Variants in MAGI1 observed in about 807,000 individuals in gnomAD.
MAGI1 encodes membrane associated guanylate kinase, WW and PDZ domain containing 1, also known as membrane-associated guanylate kinase, WW and PDZ domain-containing protein 1.
MAGI1 carries 58 observed loss-of-function variants against 139.9 expected under a neutral mutation model. The observed-to-expected ratio is 0.41, with a 90% CI of 0.34 to 0.52. MAGI1 has a LOEUF of 0.52. Ranked by LOEUF, MAGI1 falls within the 20% of genes least tolerant of loss-of-function variation. The probability of loss-of-function intolerance (pLI) is 0.12; values close to 1 mark genes in which losing one functional copy is unlikely to be tolerated. For missense variants in MAGI1, 1,874 were observed against 1,901.6 expected (o/e 0.99, Z 0.27); for synonymous variants, 812 against 737.9 (o/e 1.10, Z -1.63).
chr3:65,763,629 T>C (rs893321990), intron 1 of MAGI1, among the ~76,000 whole-genome samples: 4 of 151,692 alleles, frequency 2.6e-5, no homozygotes, highest in Non-Finnish European at 4.4e-5. Flanking sequence ...AGGGCTGGAT[T>C]CCAACCCAGA....
intron 2 of MAGI1, among the ~76,000 whole-genome samples, chr3:65,571,973 T>G (rs2080979590): frequency 6.6e-6 from 1 of 152,034 alleles, no homozygotes; most frequent in Non-Finnish European, 1.5e-5. Context: ...GTTCTACTCT[T>G]TGGGTGGAGA....
intron 12 of MAGI1, among the ~76,000 whole-genome samples, chr3:65,415,510 T>C (rs1259207501): frequency 6.6e-6 from 1 of 152,242 alleles, no homozygotes; most frequent in Non-Finnish European, 1.5e-5. Flanking sequence ...GCTGCACTGC[T>C]GGGTGACAGC....
In MAGI1 at chr3:66,025,513, G is replaced by A. The variant is rs575341219; in HGVS notation, c.313+12483C>T. Among the ~76,000 whole-genome samples, 8 of 152,178 alleles carry A rather than the reference G, an allele frequency of 5.3e-5. No individual in the cohort carries two copies. In the South Asian group the frequency reaches 1.0e-3, roughly 20 times the overall value. On this transcript the variant is annotated intron_variant, in intron 1 of 22. Coordinates refer to ENST00000402939, the MANE Select transcript of MAGI1 (RefSeq NM_001033057.2). ...CGTGCCACTACACTCCAGCCTAGGCGACAGAGAAGTAAGGCTCTGTCTCAA... is the reference window on the plus strand; with the variant it reads ...CGTGCCACTACACTCCAGCCTAGGCAACAGAGAAGTAAGGCTCTGTCTCAA...
rs755358043 is a variant in MAGI1 at position 65,470,369 on chromosome 3, T to C, written c.873A>G (p.Leu291=). 3.1e-6 allele frequency: 5 copies of C among 1,613,214 alleles called. No individual in the cohort carries two copies. The African/African-American group carries it at 5.3e-5, about 17-fold the overall frequency. The change falls in exon 5 of 23, where the codon CTA becomes CTG. Residue 291 remains leucine (L), a synonymous_variant. Transcript: ENST00000402939. ...CTAAATTATCCTCTGCAGAAAGAGG[T>C]AGGTATTGAGGGAACTTCTGAGAAG... is the stretch of plus-strand genomic sequence containing the variant. ...TDPSQKFPQY[L]PLSAEDNLGP...
At chr3:65,780,853 T>C (rs1267550025) in intron 1 of MAGI1, among the ~76,000 whole-genome samples, 1 of 152,220 alleles carries the variant, frequency 6.6e-6, no homozygotes. Flanking sequence ...GCTTATGGTA[T>C]ACTATGTAAG....
In MAGI1 at chr3:66,017,992, T is replaced by C. The variant is rs56712069; in HGVS notation, c.313+20004A>G. On this transcript the variant is annotated intron_variant, in intron 1 of 22. Coordinates refer to ENST00000402939, the MANE Select transcript of MAGI1 (RefSeq NM_001033057.2). ...TGGGAATTAATATCTGTAAATTGCT[T>C]TGTCTTGGACTCATTTATTTTTCCT... Among the ~76,000 whole-genome samples, 114 of 152,264 alleles carry C rather than the reference T, an allele frequency of 7.5e-4. 1 individual carries two copies. Among genetic ancestry groups the C allele is most frequent in the African/African-American group, 2.6e-3 (107 of 41,560 alleles).
At chr3:65,379,225 T>TCCC in intron 17 of MAGI1, 36 bp downstream of exon 17, 1 of 1,607,198 alleles carries the variant, frequency 6.2e-7, no homozygotes, top group Non-Finnish European at 8.5e-7. Context: ...CCAGGCATGG[T>TCCC]GGGAAACCCT....
intron 12 of MAGI1, among the ~76,000 whole-genome samples, chr3:65,425,669 A>T (rs1946991439): frequency 2.0e-5 from 3 of 152,172 alleles, no homozygotes; most frequent in African/African-American, 7.2e-5. Flanking sequence ...TCTCAAAAGT[A>T]AAACATAGGA....
At chr3:65,963,549 G>A (rs2064573415) in intron 1 of MAGI1, among the ~76,000 whole-genome samples, 1 of 152,174 alleles carries the variant, frequency 6.6e-6, no homozygotes, top group Non-Finnish European at 1.5e-5. Flanking sequence ...CCAGAAGGCG[G>A]AGGTTGTAGT....
intron 1 of MAGI1, among the ~76,000 whole-genome samples, chr3:65,842,268 G>A (rs1000535560): frequency 6.6e-6 from 1 of 152,120 alleles, no homozygotes; most frequent in Non-Finnish European, 1.5e-5. Context: ...TAGGGAGGAG[G>A]TGTAAAAGAT....
intron 16 of MAGI1, among the ~76,000 whole-genome samples, chr3:65,381,005 T>C (rs1323757971): frequency 6.6e-6 from 1 of 152,186 alleles, no homozygotes; most frequent in Non-Finnish European, 1.5e-5. Flanking sequence ...AGAGAATTCA[T>C]AATATTTCAG....
In MAGI1 at chr3:65,950,962, AG is replaced by A. The variant is rs1427651637; in HGVS notation, c.313+87033del. Among the ~76,000 whole-genome samples, 7 of 1,640 alleles carry A rather than the reference AG, an allele frequency of 4.3e-3. No homozygotes were observed. In the East Asian group the frequency reaches 0.18, roughly 43 times the overall value. The allele number at this position is 1,640 out of a possible 152,430, so 1.1% of individuals were successfully genotyped here. On this transcript the variant is annotated intron_variant, in intron 1 of 22. Coordinates refer to ENST00000402939, the MANE Select transcript of MAGI1 (RefSeq NM_001033057.2). ...ATGATAGTTGGTGAGAAGAAAGAGA[AG>A]GAAGGAAGGAAGGAAGGAAGGAAGG...
intron 1 of MAGI1, among the ~76,000 whole-genome samples, chr3:65,700,296 G>T (rs1291517210): frequency 1.3e-5 from 2 of 152,018 alleles, no homozygotes; most frequent in Non-Finnish European, 2.9e-5. Context: ...ACAAAAATTA[G>T]TTGGGCATGG....
chr3:65,467,408 T>C (rs1047470788), intron 5 of MAGI1, among the ~76,000 whole-genome samples: 4 of 152,302 alleles, frequency 2.6e-5, no homozygotes, highest in East Asian at 1.9e-4. Flanking sequence ...GAAAAACACA[T>C]GAAAACAAAG....
chr3:65,926,372 T>TCTCC (rs1223741062), intron 1 of MAGI1, among the ~76,000 whole-genome samples: 1 of 149,754 alleles, frequency 6.7e-6, no homozygotes, highest in Non-Finnish European at 1.5e-5. Context: ...TCTCTCTCCC[T>TCTCC]CTTTCCCTCC....
chr3:65,375,809 T>G lies in MAGI1; in HGVS notation c.3132A>C (p.Ser1044=). The change falls in exon 18 of 23, where the codon TCA becomes TCC. Residue 1044 remains serine (S), a synonymous_variant. Transcript: ENST00000402939. ...NGCSITNKSH[S]DIVNLIKEAG... is the part of the protein sequence containing the mutation. ...CTTCCTTGATTAGGTTCACAATGTC[T>G]GAATGGGATTTGTTGGTGATGGAAC... 1 of 1,614,114 alleles carries G rather than the reference T, an allele frequency of 6.2e-7. No homozygotes were observed. The highest frequency in any genetic ancestry group is 2.2e-5 in the East Asian group (1 of 44,870).
intron 1 of MAGI1, among the ~76,000 whole-genome samples, chr3:65,672,577 G>A (rs749853356): frequency 6.6e-6 from 1 of 152,142 alleles, no homozygotes; most frequent in Non-Finnish European, 1.5e-5. Context: ...ATTGAAGAGG[G>A]GGAAAAACAT....
At chr3:65,685,578 G>C (rs777030723) in intron 1 of MAGI1, among the ~76,000 whole-genome samples, 1 of 152,146 alleles carries the variant, frequency 6.6e-6, no homozygotes, top group African/African-American at 2.4e-5. Flanking sequence ...AATATTTTCA[G>C]TTAAGAAACT....
At chr3:65,703,810 A>G (rs1239309292) in intron 1 of MAGI1, among the ~76,000 whole-genome samples, 1 of 152,180 alleles carries the variant, frequency 6.6e-6, no homozygotes, top group East Asian at 1.9e-4. Flanking sequence ...AACCTCAGGA[A>G]AATGAGTTCT....
Sources: gnomAD v4.1 joint callset for allele counts (sites outside exome capture counted in the v4.1 genomes callset) on GRCh38, gnomAD v4.1.1 for gene constraint, MANE v1.5 for transcripts, NCBI Gene and HGNC (gene_info 2026-07-23, HGNC 2026-07-21) for gene names.